EDDM13: variants seen among roughly 807,000 people sequenced by gnomAD.
EDDM13 encodes the protein epididymal protein 13.
EDDM13 carries 24 observed loss-of-function variants against 17.8 expected under a neutral mutation model. The observed-to-expected ratio is 1.35, with a 90% CI of 0.98 to 1.90. The LOEUF (loss-of-function observed/expected upper bound fraction) is 1.90, where lower values mean the gene tolerates loss of function less well. Among genes scored for constraint, EDDM13 ranks in the 40% most tolerant of loss-of-function variants. The pLI is 0.00. For missense variants in EDDM13, 97 were observed against 100.8 expected (o/e 0.96, Z 0.16); for synonymous variants, 31 against 37.5 (o/e 0.83, Z 0.63).
At chr19:56,282,594 T>A in intron 4 of EDDM13, 95 bp downstream of exon 4, 1 of 772,134 alleles carries the variant, frequency 1.3e-6, no homozygotes, top group Non-Finnish European at 1.6e-6. Flanking sequence ...GTTTCTTCTC[T>A]GGTCTGTTCA....
Position 56,281,304 on chromosome 19 carries a change from G to A in EDDM13, c.104-389G>A, listed in dbSNP as rs138878752. Among the ~76,000 whole-genome samples the A allele has an allele frequency of 4.6e-5, 7 of 152,222 alleles. No individual in the cohort carries two copies. The East Asian group carries it at 1.4e-3, about 29-fold the overall frequency. On this transcript the variant is annotated intron_variant, in intron 2 of 14. Coordinates refer to ENST00000649256, the MANE Select transcript of EDDM13 (RefSeq NM_001354658.2). Reference sequence around the variant, plus strand: ...GCAGAAGAAAATGCACATCTAAGTGGATAAGTGTAACCATGTAGTTCAAAC... The same window carrying A: ...GCAGAAGAAAATGCACATCTAAGTGAATAAGTGTAACCATGTAGTTCAAAC...
At chr19:56,288,946 GGCCTTCAAACTCCTTTAAGAAAAT>G (rs561044660) in intron 8 of EDDM13, among the ~76,000 whole-genome samples, 55 bp downstream of exon 8, 3 of 152,242 alleles carry the variant, frequency 2.0e-5, no homozygotes, top group South Asian at 4.1e-4. Context: ...ACCACCGCTG[GGCCTTCAAACTCCTTTAAGAAAAT>G]GCCAGGGAAG....
At chr19:56,302,325 CCCT>C (rs2040300659) in intron 13 of EDDM13, among the ~76,000 whole-genome samples, 1 of 143,358 alleles carries the variant, frequency 7.0e-6, no homozygotes, top group African/African-American at 2.6e-5. Context: ...TCCCTCCCTC[CCCT>C]TCCTCCTTCC....
At chr19:56,304,576 G>A (rs889586913) in intron 13 of EDDM13, among the ~76,000 whole-genome samples, 36 of 152,186 alleles carry the variant, frequency 2.4e-4, no homozygotes, top group African/African-American at 7.5e-4. Context: ...GGGATGAGGA[G>A]AACTGGCTGG....
chr19:56,293,520 A>T (rs187830928), intron 9 of EDDM13, among the ~76,000 whole-genome samples: 12 of 152,242 alleles, frequency 7.9e-5, no homozygotes, highest in Non-Finnish European at 1.5e-4. Context: ...ACTGGCAGAG[A>T]GTGTGCACTG....
intron 2 of EDDM13, chr19:56,280,659 T>G (rs1173460158): frequency 6.6e-6 from 1 of 152,208 alleles, no homozygotes; most frequent in African/African-American, 2.4e-5. Flanking sequence ...AGTCCAAGAT[T>G]GAGGGGTTGG....
intron 9 of EDDM13, among the ~76,000 whole-genome samples, chr19:56,291,452 A>G (rs996224768): frequency 6.6e-6 from 1 of 152,192 alleles, no homozygotes; most frequent in African/African-American, 2.4e-5. Context: ...AATCTGGAAG[A>G]CACTTTATTT....
At chr19:56,278,190 C>T (rs8101809) in intron 2 of EDDM13, among the ~76,000 whole-genome samples, 63,610 of 151,354 alleles carry the variant, frequency 0.42, 14,489 homozygotes, top group Non-Finnish European at 0.51. Context: ...GGCACGGTCT[C>T]GGCTCGCCAT....
chr19:56,307,201 C>G (rs2040744617), intron 14 of EDDM13, among the ~76,000 whole-genome samples: 1 of 151,888 alleles, frequency 6.6e-6, no homozygotes, highest in Admixed American at 6.6e-5. Context: ...TACAAAGAGG[C>G]TCCTCCCTGG....
intron 9 of EDDM13, among the ~76,000 whole-genome samples, 165 bp downstream of exon 9, chr19:56,291,011 G>A (rs2039473063): frequency 6.6e-6 from 1 of 152,170 alleles, no homozygotes; most frequent in Non-Finnish European, 1.5e-5. Context: ...GGGTTTCAGG[G>A]TGGGCTGCAA....
At chr19:56,282,298 A>G (rs1446376100) in intron 3 of EDDM13, among the ~76,000 whole-genome samples, 193 bp from the exon 4 acceptor site, 2 of 152,140 alleles carry the variant, frequency 1.3e-5, no homozygotes, top group Non-Finnish European at 2.9e-5. Flanking sequence ...TGTGCCTCCA[A>G]AGGGGTCCAA....
At position 56,285,328 on chromosome 19, in the gene EDDM13, C is replaced by G. The variant is rs2039024304; in HGVS notation, c.154+304C>G. Reference sequence around the variant, plus strand: ...TCAAAATCATTCTCTTCACCACATTCCCGGCTCTGCTCTCTAGAAGCAAGC... The same window carrying G: ...TCAAAATCATTCTCTTCACCACATTGCCGGCTCTGCTCTCTAGAAGCAAGC... On this transcript the variant is annotated intron_variant, in intron 6 of 14. Transcript: ENST00000649256. 2.6e-5 allele frequency among the ~76,000 whole-genome samples: 4 copies of G among 152,222 alleles called. No homozygotes were observed. The South Asian group carries it at 8.3e-4, about 31-fold the overall frequency.
chr19:56,293,057 ACACCATCCTGTCCATGCCC>A (rs1302184297), intron 9 of EDDM13, among the ~76,000 whole-genome samples: 7 of 152,274 alleles, frequency 4.6e-5, no homozygotes, highest in African/African-American at 1.7e-4. Flanking sequence ...CAGTTCTGAG[ACACCATCCTGTCCATGCCC>A]CACACCCACC....
chr19:56,285,767 T>C (rs898496316), intron 6 of EDDM13, among the ~76,000 whole-genome samples: 15 of 151,752 alleles, frequency 9.9e-5, no homozygotes, highest in African/African-American at 2.7e-4. Context: ...GCATGAGCCA[T>C]CACGCCCAGC....
At chr19:56,282,831 T>A (rs549263435) in intron 4 of EDDM13, among the ~76,000 whole-genome samples, 7 of 152,374 alleles carry the variant, frequency 4.6e-5, no homozygotes, top group Admixed American at 4.6e-4. Context: ...ACACAATGAC[T>A]TACATCTTTG....
At chr19:56,281,275 A>G (rs1019018254) in intron 2 of EDDM13, among the ~76,000 whole-genome samples, 2 of 152,186 alleles carry the variant, frequency 1.3e-5, no homozygotes, top group African/African-American at 4.8e-5. Flanking sequence ...CAGGGGTGGC[A>G]GAGGCAGAAG....
rs2038720786 is a variant in EDDM13 at position 56,281,711 on chromosome 19, T to C, written c.109+13T>C. On this transcript the variant is annotated intron_variant, in intron 3 of 14. Coordinates refer to ENST00000649256, the MANE Select transcript of EDDM13 (RefSeq NM_001354658.2). ...CTTCCAGTCAACTGTAAGTCATATC[T>C]CCTTCTCCCTACATAAATGGGGAGC... 1.3e-5 allele frequency: 13 copies of C among 985,260 alleles called. No homozygotes were observed. The highest frequency in any genetic ancestry group is 1.6e-5 in the Non-Finnish European group (13 of 829,840). 61.0% of individuals were successfully genotyped at this position (985,260 alleles called of 1,614,324 possible). A position where few individuals can be genotyped will look rare whatever the true frequency, so the allele number is the denominator to read the frequency against.
At chr19:56,275,350 C>T (rs1449159576) in intron 1 of EDDM13, among the ~76,000 whole-genome samples, 4 of 152,126 alleles carry the variant, frequency 2.6e-5, no homozygotes, top group Admixed American at 2.6e-4. Flanking sequence ...TATTCAATGG[C>T]CTTTCTCTGT....
chr19:56,289,886 T>C (rs1026917082), intron 8 of EDDM13, among the ~76,000 whole-genome samples: 21 of 152,214 alleles, frequency 1.4e-4, no homozygotes, highest in African/African-American at 4.3e-4. Flanking sequence ...AGTGCTGGGA[T>C]TACAGGCAGG....
Sources: allele counts gnomAD v4.1 joint callset (sites outside exome capture counted in the v4.1 genomes callset), GRCh38; gene constraint gnomAD v4.1.1; transcripts MANE v1.5; gene names NCBI Gene and HGNC (gene_info 2026-07-23, HGNC 2026-07-21).